The following SNX24 variants were observed in gnomAD, a reference collection of about 807,000 sequenced individuals.
The protein encoded by SNX24 is sorting nexin-24.
Under a neutral mutation model 28.7 loss-of-function variants are expected in SNX24, and 22 were observed. That is an observed-to-expected ratio of 0.77 (90% confidence interval 0.55 to 1.10). SNX24 has a LOEUF of 1.10. SNX24 is among the 50% of genes least tolerant of loss of function. The pLI is 0.00. For synonymous variants in SNX24, 69 were observed against 71.5 expected (o/e 0.96, Z 0.18); for missense variants, 221 against 201.1 (o/e 1.10, Z -0.60).
chr5:122,880,528 T>C (rs1014495662), intron 1 of SNX24, among the ~76,000 whole-genome samples: 1 of 152,224 alleles, frequency 6.6e-6, no homozygotes, highest in Non-Finnish European at 1.5e-5. Context: ...TGCCTGCTTA[T>C]GTCCAGCTCA....
intron 1 of SNX24, among the ~76,000 whole-genome samples, chr5:122,934,352 G>A (rs1282207147): frequency 6.6e-6 from 1 of 152,048 alleles, no homozygotes; most frequent in Non-Finnish European, 1.5e-5. Context: ...CAGGAAAATA[G>A]GATTTATTAA....
chr5:122,973,395 A>G (rs1267667937), intron 3 of SNX24, among the ~76,000 whole-genome samples: 1 of 152,192 alleles, frequency 6.6e-6, no homozygotes, highest in Non-Finnish European at 1.5e-5. Context: ...CTAGAAAGGG[A>G]CTGTAGTGCT....
intron 1 of SNX24, among the ~76,000 whole-genome samples, chr5:122,868,906 C>G (rs1189130425): frequency 6.6e-6 from 1 of 152,184 alleles, no homozygotes; most frequent in Non-Finnish European, 1.5e-5. Context: ...AATTATTGTA[C>G]CACCTTCCAA....
At chr5:123,002,063 A>G (rs1762267001) in intron 6 of SNX24, 59 bp downstream of exon 6, 3 of 1,357,228 alleles carry the variant, frequency 2.2e-6, no homozygotes. Flanking sequence ...CACCACATAA[A>G]CCACGTTTTT....
At chr5:122,900,791 TAAAAC>T (rs935211990) in intron 1 of SNX24, among the ~76,000 whole-genome samples, 1 of 151,262 alleles carries the variant, frequency 6.6e-6, no homozygotes, top group Non-Finnish European at 1.5e-5. Flanking sequence ...AAAAAAGAAA[TAAAAC>T]AACAGGGAAA....
chr5:123,024,823 G>A (rs1241944249), intron 5 of SNX24, among the ~76,000 whole-genome samples: 1 of 152,210 alleles, frequency 6.6e-6, no homozygotes, highest in Non-Finnish European at 1.5e-5. Flanking sequence ...ATGAAACATG[G>A]AAGAGGGAAA....
At chr5:122,936,621 G>C in intron 1 of SNX24, 113 bp from the exon 2 acceptor site, 1 of 570,940 alleles carries the variant, frequency 1.8e-6, no homozygotes, top group Non-Finnish European at 3.1e-6. Context: ...TGGGTTTTGG[G>C]GGATCAGCTA....
At chr5:122,996,758 A>G (rs917814723) in intron 3 of SNX24, among the ~76,000 whole-genome samples, 3 of 152,222 alleles carry the variant, frequency 2.0e-5, no homozygotes, top group African/African-American at 7.2e-5. Context: ...GCCTCTCTAA[A>G]GAATGAAAGC....
intron 1 of SNX24, among the ~76,000 whole-genome samples, chr5:122,860,785 A>G (rs998093385): frequency 6.6e-6 from 1 of 151,792 alleles, no homozygotes; most frequent in Non-Finnish European, 1.5e-5. Context: ...TTTAGTAGAG[A>G]TGGGGTTTCA....
intron 1 of SNX24, among the ~76,000 whole-genome samples, chr5:122,906,541 C>G (rs1432603745): frequency 1.3e-5 from 2 of 152,034 alleles, no homozygotes; most frequent in East Asian, 3.9e-4. Context: ...GAGTTTTGCC[C>G]TTTTTTGCCC....
At chr5:122,984,457 C>T (rs1032260800) in intron 3 of SNX24, among the ~76,000 whole-genome samples, 2 of 152,152 alleles carry the variant, frequency 1.3e-5, no homozygotes, top group Admixed American at 6.5e-5. Context: ...ATTCCCTGAA[C>T]GTCTTGTACT....
intron 3 of SNX24, among the ~76,000 whole-genome samples, chr5:122,986,065 T>C (rs1761591501): frequency 6.7e-6 from 1 of 148,622 alleles, no homozygotes. Context: ...TGTGATAGCC[T>C]GGTTGTCAGA....
chr5:122,996,224 A>G (rs1407925699), intron 3 of SNX24, among the ~76,000 whole-genome samples: 1 of 152,226 alleles, frequency 6.6e-6, no homozygotes, highest in Non-Finnish European at 1.5e-5. Flanking sequence ...ATTCTAATTG[A>G]CAAAGAGATA....
intron 1 of SNX24, among the ~76,000 whole-genome samples, chr5:122,891,882 T>G (rs538449543): frequency 1.3e-5 from 2 of 152,192 alleles, no homozygotes; most frequent in Non-Finnish European, 2.9e-5. Flanking sequence ...TGTGTGTAAG[T>G]TGGAGACTGT....
chr5:122,929,762 C>G (rs1279264516), intron 1 of SNX24, among the ~76,000 whole-genome samples: 1 of 151,682 alleles, frequency 6.6e-6, no homozygotes, highest in Non-Finnish European at 1.5e-5. Flanking sequence ...TTGGAGCTCT[C>G]TGGCTTTTAT....
intron 5 of SNX24, among the ~76,000 whole-genome samples, chr5:123,021,758 T>C (rs975667299): frequency 3.9e-5 from 6 of 152,120 alleles, no homozygotes; most frequent in African/African-American, 1.4e-4. Flanking sequence ...ACTGGTCCAG[T>C]CTCAGCCTTA....
chr5:122,889,532 A>C (rs1411181464), intron 1 of SNX24, among the ~76,000 whole-genome samples: 1 of 151,728 alleles, frequency 6.6e-6, no homozygotes, highest in Non-Finnish European at 1.5e-5. Context: ...TCCAAAATGG[A>C]AAAAGACTAA....
At chr5:122,956,881 G>GT (rs199851078) in intron 3 of SNX24, among the ~76,000 whole-genome samples, 142 of 149,232 alleles carry the variant, frequency 9.5e-4, no homozygotes, top group Middle Eastern at 3.5e-3. Context: ...TAATTGGGTG[G>GT]TTTTTTTTTC....
chr5:122,970,087 T>A (rs1760891869), intron 3 of SNX24, among the ~76,000 whole-genome samples: 1 of 151,574 alleles, frequency 6.6e-6, no homozygotes, highest in African/African-American at 2.4e-5. Context: ...CTGCCGTTGT[T>A]GTTTACTGCT....
Sources: allele counts gnomAD v4.1 joint callset (sites outside exome capture counted in the v4.1 genomes callset), GRCh38; gene constraint gnomAD v4.1.1; transcripts MANE v1.5; gene names NCBI Gene and HGNC (gene_info 2026-07-23, HGNC 2026-07-21).